CNOT4: variants seen among roughly 807,000 people sequenced by gnomAD.
The protein encoded by CNOT4 is CCR4-NOT transcription complex subunit 4.
A neutral mutation model predicts 73.8 loss-of-function variants in CNOT4; 8 were observed. That is an observed-to-expected ratio of 0.11 (90% CI 0.06 to 0.20). The LOEUF (loss-of-function observed/expected upper bound fraction) is 0.20, where lower values mean the gene tolerates loss of function less well. Among genes scored for constraint, CNOT4 ranks in the 10% least tolerant of loss-of-function variants. The pLI, the probability that CNOT4 is intolerant of heterozygous loss-of-function variation, is 1.00. For synonymous variants in CNOT4, 293 were observed against 321.1 expected, an observed-to-expected ratio of 0.91 and a Z score of 0.94; for missense variants, 564 against 883.4, an observed-to-expected ratio of 0.64 and a Z score of 4.58.
chr7:135,407,045 T>C (rs1271804109), intron 7 of CNOT4, among the ~76,000 whole-genome samples: 3 of 152,204 alleles, frequency 2.0e-5, no homozygotes, highest in Non-Finnish European at 4.4e-5. Flanking sequence ...GGCCATCCCC[T>C]TGGTGATGAG....
At chr7:135,438,741 C>CA (rs1799302508) in intron 1 of CNOT4, among the ~76,000 whole-genome samples, 1 of 152,200 alleles carries the variant, frequency 6.6e-6, no homozygotes, top group African/African-American at 2.4e-5. Flanking sequence ...TTAACTGTCT[C>CA]ATCTTTGACC....
intron 3 of CNOT4, among the ~76,000 whole-genome samples, chr7:135,417,297 C>G (rs921731535): frequency 6.6e-6 from 1 of 152,088 alleles, no homozygotes; most frequent in East Asian, 1.9e-4. Flanking sequence ...ATGTTATGGG[C>G]CCAGAGGCCA....
chr7:135,476,309 T>C (rs896706135), intron 1 of CNOT4, among the ~76,000 whole-genome samples: 6 of 152,174 alleles, frequency 3.9e-5, no homozygotes, highest in Non-Finnish European at 8.8e-5. Flanking sequence ...ACAACTGATA[T>C]GGTAATACAC....
At chr7:135,430,458 C>A (rs1037674002) in intron 2 of CNOT4, among the ~76,000 whole-genome samples, 2 of 151,926 alleles carry the variant, frequency 1.3e-5, no homozygotes, top group African/African-American at 2.4e-5. Flanking sequence ...GGCAACATAG[C>A]GAGCCCAGTC....
At position 135,410,663 on chromosome 7, in the gene CNOT4, A is replaced by C; in HGVS notation, c.688-15T>G. ...TGTTTACCCGCCTAACGAAAGAAGA[A>C]ATTAAAACTGCAGTGGGATTCACAA... On this transcript the variant is annotated splice_polypyrimidine_tract_variant and intron_variant, in intron 6 of 11. Coordinates refer to ENST00000541284, the MANE Select transcript of CNOT4 (RefSeq NM_001190850.2). 6.4e-7 allele frequency: 1 copy of C among 1,570,926 alleles called. No individual in the cohort carries two copies. The highest frequency in any genetic ancestry group is 8.6e-7 in the Non-Finnish European group (1 of 1,162,352).
intron 1 of CNOT4, among the ~76,000 whole-genome samples, chr7:135,466,079 AAT>A (rs1323008684): frequency 6.6e-6 from 1 of 150,458 alleles, no homozygotes; most frequent in Admixed American, 6.6e-5. Context: ...TAAAAATTAA[AAT>A]AGACATAGCT....
At chr7:135,475,846 G>T (rs890065989) in intron 1 of CNOT4, among the ~76,000 whole-genome samples, 2 of 151,982 alleles carry the variant, frequency 1.3e-5, no homozygotes, top group African/African-American at 4.8e-5. Context: ...AGGAAGTCAG[G>T]GCTGCAGTGA....
In CNOT4 at chr7:135,363,102, G is replaced by A. The variant is rs1394370514; in HGVS notation, c.1925C>T (p.Thr642Ile). 1 of 1,614,022 alleles carries A rather than the reference G, an allele frequency of 6.2e-7. No homozygotes were observed. The highest frequency in any genetic ancestry group is 2.2e-5 in the East Asian group (1 of 44,884). ...PHWLKSLQAL[T>I]EMDGPSAAPS... ...AGCAGCGCTGGGGCCGTCCATCTCTGTGAGGGCCTGAAGGGATTTTAGCCA... is the reference window on the plus strand; with the variant it reads ...AGCAGCGCTGGGGCCGTCCATCTCTATGAGGGCCTGAAGGGATTTTAGCCA... Residue 642 changes from threonine (T) to isoleucine (I), a missense_variant, in exon 12 of 12, where the codon ACA becomes ATA. Physicochemically the swap from Thr to Ile is moderately conservative, Grantham distance 89. Coordinates refer to ENST00000541284, the MANE Select transcript of CNOT4 (RefSeq NM_001190850.2). This position sits in a 1 kb window ranked among gnomAD's most constrained non-coding sequence, Gnocchi z 4.3.
intron 10 of CNOT4, among the ~76,000 whole-genome samples, chr7:135,369,558 C>T (rs1444512216): frequency 6.6e-6 from 1 of 152,174 alleles, no homozygotes; most frequent in Non-Finnish European, 1.5e-5. Context: ...TCACTCTTGT[C>T]CTTTATAGTT....
chr7:135,488,455 C>T (rs1055447586), intron 1 of CNOT4, among the ~76,000 whole-genome samples: 4 of 152,134 alleles, frequency 2.6e-5, no homozygotes, highest in Non-Finnish European at 2.9e-5. Context: ...TCAAGTGATC[C>T]GCCCGCCTCG....
rs1414600503 is a variant in CNOT4, at chr7:135,364,500, GAA to G, written c.1628-436_1628-435del. 6.6e-6 allele frequency among the ~76,000 whole-genome samples: 1 copy of G among 152,208 alleles called. No homozygotes were observed. Among genetic ancestry groups the G allele is most frequent in the Non-Finnish European group, 1.5e-5 (1 of 68,034 alleles). On this transcript the variant is annotated intron_variant, in intron 10 of 11. Coordinates refer to ENST00000541284, the MANE Select transcript of CNOT4 (RefSeq NM_001190850.2). This position sits in a 1 kb window ranked among gnomAD's most constrained non-coding sequence, Gnocchi z 4.3. Reference sequence around the variant, plus strand: ...CTTATTTCTCAGCCCACAAATGGAAGAAAAGTCATTTTATGAAGAATAAACAT... The same window carrying G: ...CTTATTTCTCAGCCCACAAATGGAAGAAGTCATTTTATGAAGAATAAACAT...
At chr7:135,392,990 T>C (rs1796480250) in intron 10 of CNOT4, among the ~76,000 whole-genome samples, 1 of 152,214 alleles carries the variant, frequency 6.6e-6, no homozygotes, top group Non-Finnish European at 1.5e-5. Flanking sequence ...ATGAATTATG[T>C]GAAGAACTAT....
At chr7:135,439,750 A>C (rs1799363350) in intron 1 of CNOT4, among the ~76,000 whole-genome samples, 1 of 152,252 alleles carries the variant, frequency 6.6e-6, no homozygotes, top group African/African-American at 2.4e-5. Flanking sequence ...ACCACACTCC[A>C]GCATGGGTGA....
chr7:135,480,462 A>G (rs1802299847), intron 1 of CNOT4, among the ~76,000 whole-genome samples: 1 of 152,220 alleles, frequency 6.6e-6, no homozygotes, highest in African/African-American at 2.4e-5. Flanking sequence ...CTACAATTCA[A>G]CTTACATACA....
chr7:135,435,758 G>C (rs1467045192), intron 2 of CNOT4, among the ~76,000 whole-genome samples: 1 of 152,138 alleles, frequency 6.6e-6, no homozygotes, highest in Non-Finnish European at 1.5e-5. Flanking sequence ...TCTGTTTACT[G>C]CAAGATTCTC....
chr7:135,465,288 C>A (rs763972076), intron 1 of CNOT4, among the ~76,000 whole-genome samples: 32 of 152,146 alleles, frequency 2.1e-4, no homozygotes, highest in Non-Finnish European at 2.2e-4. Context: ...CCCTTGGAAT[C>A]TTCACCCACA....
intron 7 of CNOT4, among the ~76,000 whole-genome samples, chr7:135,402,173 T>C (rs983043375): frequency 6.6e-6 from 1 of 150,948 alleles, no homozygotes; most frequent in East Asian, 1.9e-4. Flanking sequence ...GCAGTAGCAC[T>C]ATCTTGGCTC....
At chr7:135,414,244 TATATAAATGCTCAGTTCTCCTC>T in intron 5 of CNOT4, 65 bp downstream of exon 5, 1 of 606,388 alleles carries the variant, frequency 1.6e-6, no homozygotes, top group Non-Finnish European at 2.9e-6. Context: ...TCAAATTTAA[TATATAAATGCTCAGTTCTCCTC>T]TACTTACTAT....
Position 135,362,938 on chromosome 7 carries a change from G to A in CNOT4, c.2089C>T (p.Pro697Ser). The A allele has an allele frequency of 6.2e-7, 1 of 1,613,652 alleles. No homozygotes were observed. Among genetic ancestry groups the A allele is most frequent in the Non-Finnish European group, 8.5e-7 (1 of 1,179,798 alleles). ...AGTAAATCTGTGGGGGTTTTGCTGG[G>A]GGGTCTGAAGGCTGTCTGAAAGCCT... ...PPGFQTAFRP[P>S]SKTPTDLLQS... The change falls in exon 12 of 12, where the codon CCC (proline) becomes TCC (serine). Residue 697 changes from proline to serine, a missense_variant. By Grantham distance (74) the Pro-to-Ser change is moderately conservative (BLOSUM62 -1). Transcript: ENST00000541284.
Sources: gnomAD v4.1 joint callset for allele counts (sites outside exome capture counted in the v4.1 genomes callset) on GRCh38, gnomAD v4.1.1 for gene constraint, Gnocchi (gnomAD v3.1) non-coding constraint, MANE v1.5 for transcripts, NCBI Gene and HGNC (gene_info 2026-07-23, HGNC 2026-07-21) for gene names.